CDYL2: variants seen among roughly 807,000 people sequenced by gnomAD.
CDYL2 encodes the protein chromodomain Y-like protein 2.
Under a neutral mutation model 49.4 loss-of-function variants are expected in CDYL2, and 23 were observed. The observed-to-expected ratio is 0.47, with a 90% CI of 0.34 to 0.66. The LOEUF is 0.66. Ranked by LOEUF, CDYL2 falls within the 30% of genes least tolerant of loss-of-function variation. The pLI, the probability that CDYL2 is intolerant of heterozygous loss-of-function variation, is 0.01. For synonymous variants in CDYL2, 360 were observed against 268.8 expected, an observed-to-expected ratio of 1.34 and a Z score of -3.32; for missense variants, 678 against 656.4, an observed-to-expected ratio of 1.03 and a Z score of -0.36.
chr16:80,725,294 A>T (rs1202942455), intron 1 of CDYL2, among the ~76,000 whole-genome samples: 3 of 152,164 alleles, frequency 2.0e-5, no homozygotes, highest in African/African-American at 7.2e-5. Flanking sequence ...CTTCCCTGAC[A>T]TCCCTGACAT....
intron 1 of CDYL2, among the ~76,000 whole-genome samples, chr16:80,776,853 T>C (rs1907101130): frequency 6.6e-6 from 1 of 151,890 alleles, no homozygotes; most frequent in Non-Finnish European, 1.5e-5. Context: ...AGTCTCCCTC[T>C]GTCGCCTAGG....
chr16:80,690,137 T>TA (rs201059688), intron 1 of CDYL2, among the ~76,000 whole-genome samples: 2,062 of 144,414 alleles, frequency 0.014, 53 homozygotes, highest in African/African-American at 0.05. Context: ...AAAAAAAAAA[T>TA]AAAAAAATAA....
intron 2 of CDYL2, among the ~76,000 whole-genome samples, chr16:80,633,658 C>G (rs918482219): frequency 3.3e-5 from 5 of 152,158 alleles, no homozygotes; most frequent in African/African-American, 9.7e-5. Flanking sequence ...GCACCACCCT[C>G]AAATACATTC....
At chr16:80,637,400 T>C (rs1038516558) in intron 2 of CDYL2, among the ~76,000 whole-genome samples, 2 of 152,110 alleles carry the variant, frequency 1.3e-5, no homozygotes, top group African/African-American at 2.4e-5. Context: ...GTCCTAGCGA[T>C]TGCAAAAACA....
intron 1 of CDYL2, 134 bp downstream of exon 1, chr16:80,804,016 C>T: frequency 1.8e-6 from 1 of 546,912 alleles, no homozygotes; most frequent in Non-Finnish European, 2.3e-6. Context: ...CCTCCGGCCG[C>T]CGCCGCCGCC....
chr16:80,660,618 C>G (rs1446668221), intron 2 of CDYL2, among the ~76,000 whole-genome samples: 2 of 152,036 alleles, frequency 1.3e-5, no homozygotes, highest in Non-Finnish European at 2.9e-5. Flanking sequence ...GAGAAATAAT[C>G]CAAATATCTC....
intron 2 of CDYL2, among the ~76,000 whole-genome samples, chr16:80,663,662 G>A (rs1334256105): frequency 6.6e-6 from 1 of 151,844 alleles, no homozygotes; most frequent in Non-Finnish European, 1.5e-5. Flanking sequence ...GCATGATCTT[G>A]GCTCACTGCA....
chr16:80,617,466 G>C (rs1236249769), intron 4 of CDYL2, among the ~76,000 whole-genome samples: 1 of 152,218 alleles, frequency 6.6e-6, no homozygotes, highest in East Asian at 1.9e-4. Flanking sequence ...TATGAATCAA[G>C]CTCCTTTCAA....
chr16:80,738,427 A>T (rs1478939049), intron 1 of CDYL2, among the ~76,000 whole-genome samples: 1 of 152,194 alleles, frequency 6.6e-6, no homozygotes, highest in African/African-American at 2.4e-5. Flanking sequence ...AATTTTAGGA[A>T]ACAAAAAGAA....
intron 2 of CDYL2, among the ~76,000 whole-genome samples, chr16:80,678,187 G>A (rs1389012859): frequency 6.6e-6 from 1 of 152,178 alleles, no homozygotes; most frequent in African/African-American, 2.4e-5. Flanking sequence ...TTACTATTCA[G>A]GACATAGGCA....
At chr16:80,704,478 G>A (rs1390924226) in intron 1 of CDYL2, among the ~76,000 whole-genome samples, 1 of 152,200 alleles carries the variant, frequency 6.6e-6, no homozygotes, top group African/African-American at 2.4e-5. Flanking sequence ...ACAGTCCATG[G>A]GGACAGCCAG....
At chr16:80,671,307 G>A (rs1909497780) in intron 2 of CDYL2, among the ~76,000 whole-genome samples, 1 of 152,190 alleles carries the variant, frequency 6.6e-6, no homozygotes, top group Non-Finnish European at 1.5e-5. Context: ...TGACATAGGG[G>A]CCAGAACCAG....
At chr16:80,671,499 C>A (rs1278022699) in intron 2 of CDYL2, among the ~76,000 whole-genome samples, 2 of 152,198 alleles carry the variant, frequency 1.3e-5, no homozygotes, top group African/African-American at 2.4e-5. Context: ...CCAGCCCCTG[C>A]CCCAAACGCA....
At chr16:80,636,990 G>A (rs1023206378) in intron 2 of CDYL2, among the ~76,000 whole-genome samples, 2 of 152,150 alleles carry the variant, frequency 1.3e-5, no homozygotes, top group African/African-American at 4.8e-5. Context: ...ACTCATAAGT[G>A]AGAGTTGAAC....
At chr16:80,744,021 C>G (rs958492680) in intron 1 of CDYL2, among the ~76,000 whole-genome samples, 2 of 150,086 alleles carry the variant, frequency 1.3e-5, no homozygotes, top group Admixed American at 1.3e-4. Context: ...ACACCTGATA[C>G]TCATTCATTC....
rs577924006 is a variant in CDYL2, at chr16:80,716,914, G to C, written c.25-31785C>G. Among the ~76,000 whole-genome samples, 13 of 151,468 alleles carry C rather than the reference G, an allele frequency of 8.6e-5. No individual in the cohort carries two copies. The South Asian group carries it at 1.9e-3, about 22-fold the overall frequency. ...GGATGGATGGATGGATGATTGAATG[G>C]ACAGATGGATAGACAGATGAATGGA... On this transcript the variant is annotated intron_variant, in intron 1 of 6. Coordinates refer to ENST00000570137, the MANE Select transcript of CDYL2 (RefSeq NM_152342.4).
intron 1 of CDYL2, among the ~76,000 whole-genome samples, chr16:80,739,541 C>A (rs1195510425): frequency 6.6e-6 from 1 of 152,138 alleles, no homozygotes; most frequent in Non-Finnish European, 1.5e-5. Flanking sequence ...GAGCTAAGCC[C>A]CAGCGGGGCA....
intron 3 of CDYL2, among the ~76,000 whole-genome samples, chr16:80,631,683 G>C (rs1213548957): frequency 6.6e-6 from 1 of 152,116 alleles, no homozygotes; most frequent in Non-Finnish European, 1.5e-5. Flanking sequence ...AGTAAATAAA[G>C]AATGCCTAAA....
At position 80,632,373 on chromosome 16, in the gene CDYL2, G is replaced by C. The variant is rs578231524; in HGVS notation, c.834+646C>G. 2.3e-4 allele frequency among the ~76,000 whole-genome samples: 35 copies of C among 152,292 alleles called. 1 individual carries two copies. The highest frequency in any genetic ancestry group is 5.3e-4 in the African/African-American group (22 of 41,544). ...ACTGTCCGGAATAGGCAAATCTACAGAGACAGAAAGTAGATGAGTGGTTTC... is the reference window on the plus strand; with the variant it reads ...ACTGTCCGGAATAGGCAAATCTACACAGACAGAAAGTAGATGAGTGGTTTC... On this transcript the variant is annotated intron_variant, in intron 3 of 6. Transcript: ENST00000570137.
Sources: allele counts gnomAD v4.1 joint callset (sites outside exome capture counted in the v4.1 genomes callset), GRCh38; gene constraint gnomAD v4.1.1; transcripts MANE v1.5; gene names NCBI Gene and HGNC (gene_info 2026-07-23, HGNC 2026-07-21).